Variants in AGMO observed in about 807,000 individuals in gnomAD.
The protein encoded by AGMO is alkylglycerol monooxygenase, also known as glyceryl-ether monooxygenase.
AGMO carries 75 observed loss-of-function variants against 60.2 expected under a neutral mutation model. That is an observed-to-expected ratio of 1.25 (90% CI 1.03 to 1.51). AGMO has a LOEUF of 1.51. AGMO is among the 40% of genes most tolerant of loss of function. The pLI, the probability that AGMO is intolerant of heterozygous loss-of-function variation, is 0.00. For missense variants in AGMO, 763 were observed against 525.5 expected (o/e 1.45, Z -4.42); for synonymous variants, 261 against 177.1 (o/e 1.47, Z -3.76).
chr7:15,216,253 TA>T (rs1365767255), intron 12 of AGMO, among the ~76,000 whole-genome samples: 5 of 151,988 alleles, frequency 3.3e-5, no homozygotes, highest in Non-Finnish European at 5.9e-5. Flanking sequence ...TCAGAAAGAG[TA>T]TTAATGGCTT....
intron 12 of AGMO, among the ~76,000 whole-genome samples, chr7:15,259,512 G>T (rs117510034): frequency 5.3e-5 from 8 of 152,064 alleles, no homozygotes; most frequent in East Asian, 1.9e-4. Context: ...AAACTACCCC[G>T]GCTTTACTAG....
At chr7:15,272,976 TG>T (rs1313281074) in intron 12 of AGMO, among the ~76,000 whole-genome samples, 1 of 152,154 alleles carries the variant, frequency 6.6e-6, no homozygotes, top group Non-Finnish European at 1.5e-5. Context: ...CACTTTTTGA[TG>T]GGTTGTTTTT....
At chr7:15,447,982 G>T (rs1224119416) in intron 3 of AGMO, among the ~76,000 whole-genome samples, 4 of 152,282 alleles carry the variant, frequency 2.6e-5, no homozygotes, top group African/African-American at 9.6e-5. Flanking sequence ...AATTCTGATT[G>T]ATATAAACAA....
chr7:15,369,302 T>A (rs749469085), intron 10 of AGMO, among the ~76,000 whole-genome samples: 1 of 152,066 alleles, frequency 6.6e-6, no homozygotes, highest in Non-Finnish European at 1.5e-5. Flanking sequence ...TTTAAGCTTA[T>A]GTGAGATCAT....
intron 3 of AGMO, among the ~76,000 whole-genome samples, chr7:15,456,111 T>A (rs982656521): frequency 3.9e-5 from 6 of 152,092 alleles, no homozygotes; most frequent in African/African-American, 1.4e-4. Flanking sequence ...AAAAATTCTA[T>A]CTTATGGAAG....
At position 15,278,498 on chromosome 7, in the gene AGMO, T is replaced by C. The variant is rs112757849; in HGVS notation, c.1264-77139A>G. Among the ~76,000 whole-genome samples the C allele has an allele frequency of 5.8e-3, 874 of 151,902 alleles. 5 individuals are homozygous for C. The highest frequency in any genetic ancestry group is 9.2e-3 in the Admixed American group (140 of 15,266). On this transcript the variant is annotated intron_variant, in intron 12 of 12. Coordinates refer to ENST00000342526, the MANE Select transcript of AGMO (RefSeq NM_001004320.2). ...CCCAGAATTCAGGTGCTGGCTGTGA[T>C]AGGGATGGGTGACTGGCCTCTAGGC...
At chr7:15,239,515 A>G (rs911822192) in intron 12 of AGMO, among the ~76,000 whole-genome samples, 4 of 152,256 alleles carry the variant, frequency 2.6e-5, no homozygotes, top group Admixed American at 6.5e-5. Flanking sequence ...TCTGTCTTCA[A>G]TGTCCAACAG....
At chr7:15,526,077 G>A (rs1182599426) in intron 3 of AGMO, among the ~76,000 whole-genome samples, 2 of 152,144 alleles carry the variant, frequency 1.3e-5, no homozygotes, top group African/African-American at 4.8e-5. Context: ...GACTGAGTGC[G>A]CAGTCATGGT....
chr7:15,117,811 CA>C, the AGMO span, among the ~76,000 whole-genome samples: 1 of 151,816 alleles, frequency 6.6e-6, no homozygotes, highest in South Asian at 2.1e-4. Context: ...AGTGCTCAGC[CA>C]CATTTAAGGG....
At chr7:15,404,460 T>C (rs1374553617) in intron 5 of AGMO, among the ~76,000 whole-genome samples, 2 of 151,926 alleles carry the variant, frequency 1.3e-5, no homozygotes, top group Non-Finnish European at 2.9e-5. Flanking sequence ...GTTATTTTGT[T>C]ATTTTTAAAC....
chr7:15,477,617 G>C (rs1393890713), intron 3 of AGMO, among the ~76,000 whole-genome samples: 2 of 152,060 alleles, frequency 1.3e-5, no homozygotes, highest in Admixed American at 1.3e-4. Context: ...AAATACCAAT[G>C]TGCAGGCAGT....
At chr7:15,353,433 A>T (rs578162416) in intron 12 of AGMO, among the ~76,000 whole-genome samples, 1 of 152,180 alleles carries the variant, frequency 6.6e-6, no homozygotes, top group Non-Finnish European at 1.5e-5. Flanking sequence ...ATGATGTTAA[A>T]CTAAATTCAA....
At position 15,528,711 on chromosome 7, in the gene AGMO, C is replaced by G. The variant is rs142432933; in HGVS notation, c.409+16061G>C. On this transcript the variant is annotated intron_variant, in intron 3 of 12. Coordinates refer to ENST00000342526, the MANE Select transcript of AGMO (RefSeq NM_001004320.2). ...TTGCCCAGGCTGGAGTGCAATGGCA[C>G]GATCTCGGCTCACCGCAACCTCCGC... Among the ~76,000 whole-genome samples, 856 of 152,130 alleles carry G rather than the reference C, an allele frequency of 5.6e-3. 6 individuals carry two copies. Among genetic ancestry groups the G allele is most frequent in the African/African-American group, 0.019 (794 of 41,502 alleles).
intron 12 of AGMO, among the ~76,000 whole-genome samples, chr7:15,337,256 T>C (rs979417687): frequency 6.6e-6 from 1 of 152,190 alleles, no homozygotes; most frequent in East Asian, 1.9e-4. Context: ...AAGACTGGAA[T>C]AATGCAGGAA....
chr7:15,205,840 A>G (rs935324571), intron 12 of AGMO, among the ~76,000 whole-genome samples: 5 of 152,108 alleles, frequency 3.3e-5, no homozygotes, highest in Non-Finnish European at 4.4e-5. Flanking sequence ...CTGGCCCTAA[A>G]TGGAAGAGTA....
chr7:15,258,653 G>A (rs1481398365), intron 12 of AGMO, among the ~76,000 whole-genome samples: 1 of 152,124 alleles, frequency 6.6e-6, no homozygotes, highest in Non-Finnish European at 1.5e-5. Context: ...CACAACCTAG[G>A]ACCCTCACAG....
In AGMO at chr7:15,493,093, C is replaced by G. The variant is rs1783112300; in HGVS notation, c.409+51679G>C. Among the ~76,000 whole-genome samples the G allele has an allele frequency of 2.6e-5, 4 of 152,026 alleles. No individual in the cohort carries two copies. The South Asian group carries it at 8.3e-4, about 31-fold the overall frequency. Reference sequence around the variant, plus strand: ...AACTTCATGTGTAAACATTTTAAGGCTATAGCTTAAGGCATTGCCAAATTG... The same window carrying G: ...AACTTCATGTGTAAACATTTTAAGGGTATAGCTTAAGGCATTGCCAAATTG... On this transcript the variant is annotated intron_variant, in intron 3 of 12. Transcript: ENST00000342526.
chr7:15,137,811 G>A, the AGMO span, among the ~76,000 whole-genome samples: 1 of 152,096 alleles, frequency 6.6e-6, no homozygotes, highest in Admixed American at 6.6e-5. Context: ...ATGACTAAAA[G>A]TACATTTAAA....
chr7:15,128,483 A>G, the AGMO span, among the ~76,000 whole-genome samples: 1 of 152,220 alleles, frequency 6.6e-6, no homozygotes, highest in South Asian at 2.1e-4. Context: ...GGACTTTGTG[A>G]TAATTCATTT....
Sources: gnomAD v4.1 joint callset for allele counts (sites outside exome capture counted in the v4.1 genomes callset) on GRCh38, gnomAD v4.1.1 for gene constraint, MANE v1.5 for transcripts, NCBI Gene and HGNC (gene_info 2026-07-23, HGNC 2026-07-21) for gene names.